Variants in MYH7B observed in about 807,000 individuals in gnomAD.
The protein encoded by MYH7B is myosin heavy chain 7B.
MYH7B carries 205 observed loss-of-function variants against 234.5 expected under a neutral mutation model. The ratio of observed to expected loss-of-function variants is 0.87; its 90% CI spans 0.78 to 0.98. MYH7B has a LOEUF of 0.98. Ranked by LOEUF, MYH7B falls within the 50% of genes least tolerant of loss-of-function variation. The pLI, the probability that MYH7B is intolerant of heterozygous loss-of-function variation, is 0.00. For synonymous variants in MYH7B, 1,193 were observed against 1,105.0 expected, an observed-to-expected ratio of 1.08 and a Z score of -1.58; for missense variants, 2,652 against 2,633.4, an observed-to-expected ratio of 1.01 and a Z score of -0.15.
intron 2 of MYH7B, among the ~76,000 whole-genome samples, chr20:34,967,761 G>T (rs981189699): frequency 6.6e-6 from 1 of 152,156 alleles, no homozygotes; most frequent in African/African-American, 2.4e-5. Flanking sequence ...TGGAGGGCAC[G>T]GGAGAGTGTT....
rs191392262 is a variant in MYH7B at position 35,001,055 on chromosome 20, A to C, written c.5372A>C (p.Lys1791Thr). The change falls in exon 41 of 45, where the codon AAG becomes ACG. Residue 1791 changes from lysine to threonine, a missense_variant. Lys to Thr is a moderately conservative substitution (Grantham distance 78). Around this residue, in one of 3 missense-constraint regions of MYH7B, gnomAD observed 2,279 missense variants for 2,211.4 expected, o/e 1.03. Coordinates refer to ENST00000262873, the Ensembl canonical transcript of MYH7B. ...AGTGCACACCTGGAACGGATGAAGA[A>C]GACGCTGGAGCAGACGGTGCGCGAG... The C allele has an allele frequency of 3.9e-4, 634 of 1,613,882 alleles. 3 individuals are homozygous for C. The East Asian group carries it at 5.8e-3, about 15-fold the overall frequency.
In MYH7B at chr20:34,997,329, G is replaced by A. The variant is rs758267969; in HGVS notation, c.3436G>A (p.Ala1146Thr). Residue 1146 changes from alanine (A) to threonine (T), a missense_variant, in exon 32 of 45, where the codon GCG becomes ACG. Around this residue, in one of 3 missense-constraint regions of MYH7B, gnomAD observed 2,279 missense variants for 2,211.4 expected, o/e 1.03. Transcript: ENST00000262873. ...CCGCGTGGAGAAGCAGCGTGCAGAG[G>A]CGGCGCGGGAGCTGGAGGAGCTGAG... is the stretch of plus-strand genomic sequence containing the variant. 8.4e-6 allele frequency: 13 copies of A among 1,547,408 alleles called. No homozygotes were observed. The highest frequency in any genetic ancestry group is 7.9e-5 in the Admixed American group (4 of 50,442).
chr20:34,980,803 AC>A (rs1473222844), intron 8 of MYH7B, 69 bp downstream of exon 8: 6 of 1,581,470 alleles, frequency 3.8e-6, no homozygotes, highest in African/African-American at 1.4e-5. Context: ...TCTGTAAGGG[AC>A]CCCCTTCCCC....
intron 42 of MYH7B, 25 bp downstream of exon 42, chr20:35,001,374 A>G (rs1425021549): frequency 6.3e-7 from 1 of 1,598,874 alleles, no homozygotes; most frequent in East Asian, 2.3e-5. Flanking sequence ...CTCCCTGGGG[A>G]GTGGCCCTGG....
exon 37 of MYH7B, chr20:34,999,637 C>T: frequency 6.2e-7 from 1 of 1,613,754 alleles, no homozygotes; most frequent in Non-Finnish European, 8.5e-7. Context: ...CTGGAGAAAA[C>T]CAAGAAGGCG....
chr20:35,001,101 G>C, exon 41 of MYH7B: 1 of 1,613,904 alleles, frequency 6.2e-7, no homozygotes. Context: ...GCCTTGAGGA[G>C]GCAGAACAGG....
exon 1 of MYH7B, chr20:34,955,876 C>G (rs1039569967): frequency 6.6e-6 from 1 of 152,350 alleles, no homozygotes; most frequent in Non-Finnish European, 1.5e-5. Flanking sequence ...ATACCTTTGG[C>G]GCTGAGTCGA....
chr20:35,001,528 T>C lies in MYH7B; in HGVS notation c.5676+2T>C, dbSNP rs1435183930. The C allele has an allele frequency of 1.2e-6, 2 of 1,601,656 alleles. No homozygotes were observed. Among genetic ancestry groups the C allele is most frequent in the Non-Finnish European group, 1.7e-6 (2 of 1,174,316 alleles). ...TACAAGCGCCAGTTTGAGGAGGCGG[T>C]GAGTGCGCTGGGGCCTGGACACCTG... On this transcript the variant is annotated splice_donor_variant, in intron 43 of 44. Coordinates refer to ENST00000262873, the Ensembl canonical transcript of MYH7B. LOFTEE classifies it high-confidence loss of function.
In MYH7B at chr20:35,000,282, T is replaced by TC. The variant is rs2082344274; in HGVS notation, c.4782-9dup. On this transcript the variant is annotated splice_polypyrimidine_tract_variant and intron_variant, in intron 38 of 44. Coordinates refer to ENST00000262873, the Ensembl canonical transcript of MYH7B. Reference sequence around the variant, plus strand: ...TACGAGACCCCCTTTCATGCCACCCTCCTCCCATAGGCGCAACCACCAGCG... The same window carrying TC: ...TACGAGACCCCCTTTCATGCCACCCTCCCTCCCATAGGCGCAACCACCAGCG... The TC allele has an allele frequency of 6.4e-7, 1 of 1,557,024 alleles. No individual in the cohort carries two copies. Among genetic ancestry groups the TC allele is most frequent in the South Asian group, 1.2e-5 (1 of 83,946 alleles).
chr20:34,966,358 T>C (rs2081741851), intron 2 of MYH7B, among the ~76,000 whole-genome samples: 5 of 152,354 alleles, frequency 3.3e-5, no homozygotes, highest in Admixed American at 3.3e-4. Context: ...CAGGGACTTA[T>C]GTGGAGTGAA....
chr20:34,978,618 A>G (rs1705826730), intron 5 of MYH7B, among the ~76,000 whole-genome samples: 1 of 152,178 alleles, frequency 6.6e-6, no homozygotes, highest in South Asian at 2.1e-4. Flanking sequence ...CTTTCCATGC[A>G]TCATCTCAAC....
rs1238648986 is a variant in MYH7B at position 35,002,342 on chromosome 20, C to CTT, written c.*157_*158dup. The CTT allele has an allele frequency of 2.6e-5, 22 of 832,210 alleles. No individual in the cohort carries two copies. The East Asian group carries it at 5.7e-4, about 22-fold the overall frequency. The allele number at this position is 832,210 out of a possible 1,614,324, so 51.6% of individuals were successfully genotyped here. Reference sequence around the variant, plus strand: ...CACCACAGCCAGTTTCCTTCTCATTCTTTTCTTTGGGGTTCAGGAGGAAAA... The same window carrying CTT: ...CACCACAGCCAGTTTCCTTCTCATTCTTTTTTCTTTGGGGTTCAGGAGGAAAA... On this transcript the variant is annotated 3_prime_UTR_variant, in exon 45 of 45. Coordinates refer to ENST00000262873, the Ensembl canonical transcript of MYH7B.
chr20:34,984,473 ACT>A (rs1211816343), intron 10 of MYH7B, among the ~76,000 whole-genome samples: 4 of 151,674 alleles, frequency 2.6e-5, no homozygotes, highest in African/African-American at 4.9e-5. Flanking sequence ...GCAGGTGGAG[ACT>A]CTGGCTGGGG....
At chr20:34,998,392 C>A (rs111729674) in exon 33 of MYH7B, 7 of 1,613,438 alleles carry the variant, frequency 4.3e-6, no homozygotes, top group Admixed American at 1.7e-5. Flanking sequence ...GACGCAAGCA[C>A]GCAGCGTGGG....
intron 21 of MYH7B, 39 bp from the exon 22 acceptor site, chr20:34,990,195 G>C (rs778951421): frequency 6.2e-7 from 1 of 1,614,002 alleles, no homozygotes; most frequent in Admixed American, 1.7e-5. Flanking sequence ...CCCACAGAGC[G>C]ACATTCCCTG....
intron 2 of MYH7B, among the ~76,000 whole-genome samples, chr20:34,974,720 G>T (rs2081830085): frequency 6.6e-6 from 1 of 152,188 alleles, no homozygotes; most frequent in African/African-American, 2.4e-5. Context: ...CACTTTCTGG[G>T]CTTTCTATAA....
chr20:34,971,621 C>A (rs1257603962), intron 2 of MYH7B, among the ~76,000 whole-genome samples: 2 of 152,148 alleles, frequency 1.3e-5, no homozygotes, highest in African/African-American at 2.4e-5. Flanking sequence ...GGGCCCCTTT[C>A]TGGGCCTCAC....
At chr20:34,969,329 A>G (rs984975387) in intron 2 of MYH7B, among the ~76,000 whole-genome samples, 1 of 152,134 alleles carries the variant, frequency 6.6e-6, no homozygotes, top group Admixed American at 6.5e-5. Flanking sequence ...AAAATAGGTT[A>G]TACATACACG....
At chr20:34,972,634 AC>A (rs2081803314) in intron 2 of MYH7B, among the ~76,000 whole-genome samples, 1 of 151,970 alleles carries the variant, frequency 6.6e-6, no homozygotes. Context: ...TGGGTGTCAC[AC>A]TTGTTTGTTT....
Sources: gnomAD v4.1 joint callset for allele counts (sites outside exome capture counted in the v4.1 genomes callset) on GRCh38, gnomAD v4.1.1 for gene constraint, gnomAD v4.1.1 regional missense constraint, MANE v1.5 for transcripts, NCBI Gene and HGNC (gene_info 2026-07-23, HGNC 2026-07-21) for gene names.